The following CDH13 variants were observed in gnomAD, a reference collection of about 807,000 sequenced individuals.
CDH13 encodes cadherin 13.
In CDH13, 24 loss-of-function variants were observed where a neutral mutation model predicts 63.8. That is an observed-to-expected ratio of 0.38 (90% CI 0.27 to 0.53). CDH13 has a LOEUF of 0.53. Ranked by LOEUF, CDH13 falls within the 20% of genes least tolerant of loss-of-function variation. The pLI is 0.85. For synonymous variants in CDH13, 503 were observed against 355.3 expected (o/e 1.42, Z -4.67); for missense variants, 1,049 against 903.1 (o/e 1.16, Z -2.07).
At chr16:82,886,956 T>C (rs1273784060) in intron 2 of CDH13, among the ~76,000 whole-genome samples, 1 of 152,232 alleles carries the variant, frequency 6.6e-6, no homozygotes, top group Non-Finnish European at 1.5e-5. Context: ...GTATGCCTTC[T>C]ATGTCTTTTC....
chr16:82,740,752 A>T (rs2033889610), intron 1 of CDH13, among the ~76,000 whole-genome samples: 1 of 152,200 alleles, frequency 6.6e-6, no homozygotes, highest in African/African-American at 2.4e-5. Context: ...TCTAGGTAGG[A>T]ACTGGTGCTC....
chr16:82,701,028 C>G (rs1208734497), intron 1 of CDH13, among the ~76,000 whole-genome samples: 1 of 139,006 alleles, frequency 7.2e-6, no homozygotes, highest in African/African-American at 2.7e-5. Context: ...TGCATGTGCT[C>G]AAAAGCAAAC....
chr16:83,624,528 C>G (rs969755291), intron 8 of CDH13, among the ~76,000 whole-genome samples: 1 of 152,104 alleles, frequency 6.6e-6, no homozygotes, highest in African/African-American at 2.4e-5. Flanking sequence ...CCTCTCATTC[C>G]CAGTTCACAA....
At chr16:83,004,067 G>A (rs137931276) in intron 2 of CDH13, among the ~76,000 whole-genome samples, 10 of 152,192 alleles carry the variant, frequency 6.6e-5, no homozygotes, top group Admixed American at 2.0e-4. Flanking sequence ...CTCAGTCAAT[G>A]ACAGGGAATT....
At position 83,224,334 on chromosome 16, in the gene CDH13, C is replaced by T. The variant is rs148540742; in HGVS notation, c.636+6837C>T. Among the ~76,000 whole-genome samples the T allele has an allele frequency of 6.1e-3, 926 of 152,312 alleles. 2 individuals are homozygous for T. Among genetic ancestry groups the T allele is most frequent in the Non-Finnish European group, 8.4e-3 (568 of 68,018 alleles). The stretch of plus-strand genomic sequence containing the variant: ...AACATGTGTGTGCAAGTATCTTTTT[C>T]GTATAATGACTTCTTTTCCTCTGTG... On this transcript the variant is annotated intron_variant, in intron 5 of 13. Transcript: ENST00000567109.
At chr16:82,824,088 G>T (rs949412173) in intron 1 of CDH13, 4 of 152,104 alleles carry the variant, frequency 2.6e-5, no homozygotes, top group Non-Finnish European at 5.9e-5. Flanking sequence ...AAGCAGAGAG[G>T]CTATGAGATG....
At chr16:83,539,455 C>A (rs2075259013) in intron 7 of CDH13, among the ~76,000 whole-genome samples, 1 of 152,120 alleles carries the variant, frequency 6.6e-6, no homozygotes, top group Non-Finnish European at 1.5e-5. Flanking sequence ...GGGCTGGAGA[C>A]CCCTGCCTTA....
chr16:83,539,514 A>T (rs1343253494), intron 7 of CDH13, among the ~76,000 whole-genome samples: 1 of 152,200 alleles, frequency 6.6e-6, no homozygotes, highest in African/African-American at 2.4e-5. Context: ...AAGGCTGAAA[A>T]CTTGCAGAAA....
chr16:82,712,044 C>G (rs1407784616), intron 1 of CDH13, among the ~76,000 whole-genome samples: 1 of 152,170 alleles, frequency 6.6e-6, no homozygotes, highest in African/African-American at 2.4e-5. Context: ...ATTTTATACT[C>G]CATACTTCTC....
chr16:83,729,210 G>T (rs961982088), intron 10 of CDH13, among the ~76,000 whole-genome samples: 5 of 151,908 alleles, frequency 3.3e-5, no homozygotes, highest in African/African-American at 1.2e-4. Context: ...AGTATAAAAT[G>T]GATATATTAT....
At chr16:83,780,293 T>C (rs1915430065) in intron 12 of CDH13, 92 bp downstream of exon 12, 1 of 800,532 alleles carries the variant, frequency 1.2e-6, no homozygotes, top group East Asian at 2.7e-5. Flanking sequence ...TTCTCTCAAG[T>C]ATTCTCATTT....
At chr16:83,504,365 C>T (rs2074350340) in intron 7 of CDH13, among the ~76,000 whole-genome samples, 1 of 152,174 alleles carries the variant, frequency 6.6e-6, no homozygotes, top group African/African-American at 2.4e-5. Context: ...GTGCATGAAG[C>T]ATTTTGGAGG....
At chr16:82,790,200 G>T (rs1417601147) in intron 1 of CDH13, among the ~76,000 whole-genome samples, 1 of 152,076 alleles carries the variant, frequency 6.6e-6, no homozygotes, top group African/African-American at 2.4e-5. Flanking sequence ...CCTTTGGGAG[G>T]CCGAGGCAGG....
At chr16:82,721,875 A>G (rs2032795618) in intron 1 of CDH13, among the ~76,000 whole-genome samples, 1 of 152,076 alleles carries the variant, frequency 6.6e-6, no homozygotes, top group Admixed American at 6.6e-5. Flanking sequence ...ACCAGGGGAA[A>G]TGCCAGTTAG....
intron 3 of CDH13, among the ~76,000 whole-genome samples, chr16:83,080,994 G>A (rs1453413072): frequency 7.2e-6 from 1 of 139,350 alleles, no homozygotes; most frequent in African/African-American, 2.7e-5. Flanking sequence ...CGATTCCCCT[G>A]CCTCAGCCTC....
chr16:82,879,367 T>G (rs1443754134), intron 2 of CDH13, among the ~76,000 whole-genome samples: 1 of 151,532 alleles, frequency 6.6e-6, no homozygotes, highest in Non-Finnish European at 1.5e-5. Flanking sequence ...ATTAATGTCA[T>G]CTGATCATGG....
chr16:83,446,177 C>A (rs1364245243), intron 6 of CDH13, among the ~76,000 whole-genome samples: 1 of 151,816 alleles, frequency 6.6e-6, no homozygotes, highest in Non-Finnish European at 1.5e-5. Flanking sequence ...GTGGCATGTG[C>A]CTGTAATCCC....
intron 3 of CDH13, among the ~76,000 whole-genome samples, chr16:83,048,575 TG>T (rs1404027682): frequency 9.2e-5 from 14 of 152,218 alleles, no homozygotes; most frequent in Admixed American, 7.8e-4. Context: ...TAGCTGGCCT[TG>T]CGGGTTCCTC....
intron 5 of CDH13, among the ~76,000 whole-genome samples, chr16:83,266,585 C>G (rs72802291): frequency 0.17 from 25,789 of 152,158 alleles, 2,316 homozygotes; most frequent in East Asian, 0.23. Flanking sequence ...CATCATCTCC[C>G]CTCTTCACAC....
Sources: allele counts gnomAD v4.1 joint callset (sites outside exome capture counted in the v4.1 genomes callset), GRCh38; gene constraint gnomAD v4.1.1; transcripts MANE v1.5; gene names NCBI Gene and HGNC (gene_info 2026-07-23, HGNC 2026-07-21).